ARHGAP21: variants seen among roughly 807,000 people sequenced by gnomAD.
ARHGAP21 encodes the protein Rho GTPase activating protein 21.
In ARHGAP21, 38 loss-of-function variants were observed where a neutral mutation model predicts 164.6. The observed-to-expected ratio is 0.23, with a 90% CI of 0.18 to 0.30. The LOEUF is 0.30. ARHGAP21 is among the 10% of genes least tolerant of loss of function. The probability of loss-of-function intolerance (pLI) is 1.00; values close to 1 mark genes in which losing one functional copy is unlikely to be tolerated. For synonymous variants in ARHGAP21, 766 were observed against 857.9 expected (o/e 0.89, Z 1.87); for missense variants, 1,822 against 2,370.7 (o/e 0.77, Z 4.81).
intron 4 of ARHGAP21, among the ~76,000 whole-genome samples, chr10:24,656,227 C>T (rs1250627116): frequency 1.5e-5 from 2 of 133,934 alleles, no homozygotes; most frequent in East Asian, 4.7e-4. Flanking sequence ...GGGTCATCCC[C>T]CCGCCCGGCC....
At chr10:24,594,641 T>C (rs2076500338) in intron 21 of ARHGAP21, among the ~76,000 whole-genome samples, 1 of 152,194 alleles carries the variant, frequency 6.6e-6, no homozygotes, top group Admixed American at 6.5e-5. Flanking sequence ...CTTTTGACTG[T>C]TGTAGCGTAT....
chr10:24,590,692 T>C (rs1160433612), intron 24 of ARHGAP21: 1 of 1,324,392 alleles, frequency 7.6e-7, no homozygotes, highest in Admixed American at 3.4e-5. Context: ...CAGAAGAAAA[T>C]AAATGTCAAA....
chr10:24,672,532 T>TA (rs1230703055), intron 2 of ARHGAP21, among the ~76,000 whole-genome samples: 1 of 152,228 alleles, frequency 6.6e-6, no homozygotes, highest in African/African-American at 2.4e-5. Flanking sequence ...TCTGTATTTC[T>TA]AACCCAAGCC....
At chr10:24,664,475 G>A (rs1839990468) in intron 4 of ARHGAP21, among the ~76,000 whole-genome samples, 1 of 151,358 alleles carries the variant, frequency 6.6e-6, no homozygotes, top group South Asian at 2.1e-4. Flanking sequence ...AGAATCGCTT[G>A]AACCCAGGAG....
At chr10:24,592,738 GAAAAAAAGAAA>G (rs1035798012) in intron 21 of ARHGAP21, among the ~76,000 whole-genome samples, 1 of 142,608 alleles carries the variant, frequency 7.0e-6, no homozygotes, top group South Asian at 2.2e-4. Flanking sequence ...CCTGTTTGAA[GAAAAAAAGAAA>G]AAAAAAACAA....
At position 24,633,409 on chromosome 10, in the gene ARHGAP21, G is replaced by T; in HGVS notation, c.433C>A (p.Gln145Lys). ...KTYSQVIALI[Q>K]NSDTTLELSV... ...ATGTTTTAAGACTCTTACCTGTTTT[G>T]AATTAAAGCAATTACTTGGGAATAG... The change falls in exon 6 of 26, where the codon CAA becomes AAA. Residue 145 changes from glutamine (Q) to lysine (K), a missense_variant. Coordinates refer to ENST00000396432, the MANE Select transcript of ARHGAP21 (RefSeq NM_020824.4). The T allele has an allele frequency of 6.2e-7, 1 of 1,606,514 alleles. No individual in the cohort carries two copies. Among genetic ancestry groups the T allele is most frequent in the South Asian group, 1.1e-5 (1 of 90,580 alleles).
intron 2 of ARHGAP21, among the ~76,000 whole-genome samples, chr10:24,698,623 A>G (rs1484112140): frequency 6.6e-6 from 1 of 152,082 alleles, no homozygotes; most frequent in South Asian, 2.1e-4. Context: ...ACCTGATTTC[A>G]CCCATCAACC....
chr10:24,667,039 TGAGTAC>T, intron 3 of ARHGAP21, 30 bp from the exon 4 acceptor site: 2 of 1,193,982 alleles, frequency 1.7e-6, no homozygotes, highest in Non-Finnish European at 2.4e-6. Flanking sequence ...TATACATATA[TGAGTAC>T]ATATTTATAA....
At chr10:24,715,162 G>GA (rs1845242370) in intron 2 of ARHGAP21, among the ~76,000 whole-genome samples, 1 of 152,140 alleles carries the variant, frequency 6.6e-6, no homozygotes, top group South Asian at 2.1e-4. Context: ...TCACAAGACT[G>GA]AATACATATT....
At chr10:24,692,789 G>A (rs1842855383) in intron 2 of ARHGAP21, among the ~76,000 whole-genome samples, 1 of 151,558 alleles carries the variant, frequency 6.6e-6, no homozygotes. Context: ...CAGAGATTGT[G>A]CCACTGCACT....
At chr10:24,695,050 C>CAAAAAAAAAAAA (rs570457905) in intron 2 of ARHGAP21, among the ~76,000 whole-genome samples, 4 of 78,506 alleles carry the variant, frequency 5.1e-5, no homozygotes, top group Non-Finnish European at 7.1e-5. Context: ...AATTCCATCT[C>CAAAAAAAAAAAA]AAAAAAAAAA....
At chr10:24,694,448 T>C in intron 2 of ARHGAP21, among the ~76,000 whole-genome samples, 1 of 152,252 alleles carries the variant, frequency 6.6e-6, no homozygotes, top group South Asian at 2.1e-4. Flanking sequence ...GAACACTTCC[T>C]TTCCTTCTGG....
At chr10:24,597,380 TAAAC>T in intron 16 of ARHGAP21, 63 bp downstream of exon 16, 1 of 1,558,838 alleles carries the variant, frequency 6.4e-7, no homozygotes, top group Non-Finnish European at 8.7e-7. Flanking sequence ...ACAGAAAACA[TAAAC>T]GTACCTCAAC....
intron 3 of ARHGAP21, among the ~76,000 whole-genome samples, chr10:24,669,820 G>A (rs1382923837): frequency 1.3e-5 from 2 of 152,142 alleles, no homozygotes; most frequent in Non-Finnish European, 2.9e-5. Context: ...TGAAAGTTAA[G>A]TATTGTTCTA....
intron 4 of ARHGAP21, among the ~76,000 whole-genome samples, chr10:24,637,569 T>C (rs1836506841): frequency 6.6e-6 from 1 of 152,224 alleles, no homozygotes; most frequent in Non-Finnish European, 1.5e-5. Context: ...ATTAATGAAT[T>C]CTACAAAATA....
At chr10:24,695,595 C>T (rs1407520796) in intron 2 of ARHGAP21, among the ~76,000 whole-genome samples, 1 of 151,660 alleles carries the variant, frequency 6.6e-6, no homozygotes, top group African/African-American at 2.4e-5. Flanking sequence ...TAGAATTTAG[C>T]AAATGTGATG....
intron 2 of ARHGAP21, among the ~76,000 whole-genome samples, chr10:24,705,540 G>T (rs1220311527): frequency 6.6e-6 from 1 of 152,144 alleles, no homozygotes; most frequent in African/African-American, 2.4e-5. Flanking sequence ...GTACCACTGG[G>T]AACTAATTCC....
intron 21 of ARHGAP21, among the ~76,000 whole-genome samples, chr10:24,592,746 GAAAAAA>G (rs111914027): frequency 7.8e-5 from 11 of 141,570 alleles, no homozygotes; most frequent in Non-Finnish European, 1.5e-5. Flanking sequence ...AAGAAAAAAA[GAAAAAA>G]AAAACAAAAA....
At chr10:24,678,831 C>T (rs1215631756) in intron 2 of ARHGAP21, among the ~76,000 whole-genome samples, 3 of 152,158 alleles carry the variant, frequency 2.0e-5, no homozygotes, top group Non-Finnish European at 4.4e-5. Flanking sequence ...TTTGTCATTT[C>T]AAGAATGTTA....
Sources: gnomAD v4.1 joint callset for allele counts (sites outside exome capture counted in the v4.1 genomes callset) on GRCh38, gnomAD v4.1.1 for gene constraint, MANE v1.5 for transcripts, NCBI Gene and HGNC (gene_info 2026-07-23, HGNC 2026-07-21) for gene names.